The following ALDH1A2 variants were observed in gnomAD, a reference collection of about 807,000 sequenced individuals.
ALDH1A2 encodes the protein aldehyde dehydrogenase 1 family member A2, also known as retinal dehydrogenase 2.
ALDH1A2 carries 27 observed loss-of-function variants against 60.3 expected under a neutral mutation model. The observed-to-expected ratio is 0.45, with a 90% CI of 0.33 to 0.62. The LOEUF (loss-of-function observed/expected upper bound fraction) is 0.62, where lower values mean the gene tolerates loss of function less well. ALDH1A2 is among the 20% of genes least tolerant of loss of function. The pLI is 0.02. For synonymous variants in ALDH1A2, 289 were observed against 232.4 expected, an observed-to-expected ratio of 1.24 and a Z score of -2.21; for missense variants, 581 against 643.8, an observed-to-expected ratio of 0.90 and a Z score of 1.06.
At chr15:57,985,384 G>C (rs1482828471) in intron 7 of ALDH1A2, among the ~76,000 whole-genome samples, 13 of 152,116 alleles carry the variant, frequency 8.5e-5, no homozygotes, top group Admixed American at 7.9e-4. Context: ...CCCTTCTTGA[G>C]ATGCTGATGT....
intron 1 of ALDH1A2, among the ~76,000 whole-genome samples, chr15:58,015,771 T>C (rs1171068886): frequency 6.6e-6 from 1 of 152,190 alleles, no homozygotes; most frequent in Non-Finnish European, 1.5e-5. Flanking sequence ...GACTCAACAA[T>C]GTGTTCTTTC....
At chr15:58,045,285 C>T (rs1399646280) in intron 1 of ALDH1A2, among the ~76,000 whole-genome samples, 1 of 152,054 alleles carries the variant, frequency 6.6e-6, no homozygotes, top group African/African-American at 2.4e-5. Flanking sequence ...AGCACTTTTA[C>T]ACTGTTGGTT....
chr15:57,963,391 G>C (rs1192442760), intron 9 of ALDH1A2, among the ~76,000 whole-genome samples: 2 of 148,960 alleles, frequency 1.3e-5, no homozygotes, highest in Non-Finnish European at 3.0e-5. Flanking sequence ...TTTCGCCCAG[G>C]CTGGTGGAGT....
chr15:57,992,645 T>G (rs1894933648), intron 7 of ALDH1A2, 60 bp downstream of exon 7: 1 of 1,494,434 alleles, frequency 6.7e-7, no homozygotes, highest in African/African-American at 1.4e-5. Flanking sequence ...TTATTGTTTT[T>G]GTAACCCCTC....
chr15:57,962,676 T>C (rs1288330156), intron 9 of ALDH1A2, among the ~76,000 whole-genome samples: 1 of 151,932 alleles, frequency 6.6e-6, no homozygotes, highest in Non-Finnish European at 1.5e-5. Context: ...ATATTAACAG[T>C]AAAGAGTGAA....
At chr15:58,022,752 T>A (rs1895966068) in intron 1 of ALDH1A2, among the ~76,000 whole-genome samples, 1 of 152,190 alleles carries the variant, frequency 6.6e-6, no homozygotes, top group African/African-American at 2.4e-5. Flanking sequence ...TCACTGATGT[T>A]GTTTACTGCC....
chr15:58,037,883 G>T (rs1474878032), intron 1 of ALDH1A2, among the ~76,000 whole-genome samples: 1 of 151,554 alleles, frequency 6.6e-6, no homozygotes, highest in Admixed American at 6.6e-5. Context: ...GATATCAGTT[G>T]AACTCAAAAA....
At chr15:57,964,201 G>T in intron 8 of ALDH1A2, 132 bp from the exon 9 acceptor site, 2 of 900,250 alleles carry the variant, frequency 2.2e-6, no homozygotes, top group Non-Finnish European at 3.4e-6. Context: ...AATAGCCCTG[G>T]ATTGGGAATG....
intron 7 of ALDH1A2, among the ~76,000 whole-genome samples, chr15:57,988,602 T>C (rs1894791306): frequency 6.6e-6 from 1 of 152,230 alleles, no homozygotes; most frequent in Non-Finnish European, 1.5e-5. Flanking sequence ...CAAAGAGGCA[T>C]GAGAAATCTT....
intron 7 of ALDH1A2, among the ~76,000 whole-genome samples, chr15:57,981,195 A>G (rs1167601118): frequency 2.0e-5 from 3 of 151,930 alleles, no homozygotes; most frequent in African/African-American, 7.3e-5. Flanking sequence ...TTCTAAATCT[A>G]GTACACTATT....
chr15:57,993,061 G>T lies in ALDH1A2; in HGVS notation c.568C>A (p.Leu190Met). 6.2e-7 allele frequency: 1 copy of T among 1,612,540 alleles called. No homozygotes were observed. The highest frequency in any genetic ancestry group is 8.5e-7 in the Non-Finnish European group (1 of 1,179,894). The change falls in exon 6 of 13, where the codon CTG becomes ATG. Residue 190 changes from leucine to methionine, a missense_variant. Transcript: ENST00000249750. ...GCTATTTTCCAGGCAAACATCAGCAGGGGGAAGTTCCACTGAAAGGAAAAA... is the reference window on the plus strand; with the variant it reads ...GCTATTTTCCAGGCAAACATCAGCATGGGGAAGTTCCACTGAAAGGAAAAA... Reference protein sequence around the residue: ...CGQIIPWNFPLLMFAWKIAPA... With the variant: ...CGQIIPWNFPMLMFAWKIAPA...
intron 4 of ALDH1A2, among the ~76,000 whole-genome samples, chr15:58,006,341 T>TATTTC: frequency 6.6e-6 from 1 of 152,146 alleles, no homozygotes; most frequent in East Asian, 1.9e-4. Context: ...CAAAGACCAT[T>TATTTC]ATTTCATTCT....
chr15:58,041,398 G>A (rs1896515422), intron 1 of ALDH1A2, among the ~76,000 whole-genome samples: 1 of 151,874 alleles, frequency 6.6e-6, no homozygotes, highest in South Asian at 2.1e-4. Flanking sequence ...AAAATCTGTG[G>A]ATCTAAGTCT....
At chr15:57,977,744 T>C (rs1224171668) in intron 7 of ALDH1A2, among the ~76,000 whole-genome samples, 1 of 152,120 alleles carries the variant, frequency 6.6e-6, no homozygotes, top group Non-Finnish European at 1.5e-5. Context: ...TTTCTAATTC[T>C]ATGAAGAAAG....
chr15:57,978,920 C>T (rs530979549), intron 7 of ALDH1A2, among the ~76,000 whole-genome samples: 1 of 152,234 alleles, frequency 6.6e-6, no homozygotes, highest in Admixed American at 6.5e-5. Flanking sequence ...TCTGTAATCC[C>T]AGATACTTGG....
rs1259725033 is a variant in ALDH1A2 at position 57,985,058 on chromosome 15, A to G, written c.798+7647T>C. Among the ~76,000 whole-genome samples the G allele has an allele frequency of 1.3e-5, 2 of 152,170 alleles. 1 individual carries two copies. The highest frequency in any genetic ancestry group is 4.8e-5 in the African/African-American group (2 of 41,436). On this transcript the variant is annotated intron_variant, in intron 7 of 12. Coordinates refer to ENST00000249750, the MANE Select transcript of ALDH1A2 (RefSeq NM_003888.4). The stretch of plus-strand genomic sequence containing the variant: ...CGAGGATTTTTCCATCTATACTCAT[A>G]AGATGTTGGTATATAGTTTTCTTGT...
At chr15:57,983,447 AAAGG>A (rs1325914725) in intron 7 of ALDH1A2, among the ~76,000 whole-genome samples, 1 of 152,226 alleles carries the variant, frequency 6.6e-6, no homozygotes, top group Non-Finnish European at 1.5e-5. Flanking sequence ...TGTTAAGAGA[AAAGG>A]AAGACAGCCT....
chr15:58,064,053 A>C (rs1364086977), intron 1 of ALDH1A2, among the ~76,000 whole-genome samples: 2 of 152,182 alleles, frequency 1.3e-5, no homozygotes, highest in Admixed American at 1.3e-4. Flanking sequence ...ATCAAAAATA[A>C]GACTAAAATC....
At position 58,000,615 on chromosome 15, in the gene ALDH1A2, C is replaced by T. The variant is rs139481053; in HGVS notation, c.494-5476G>A. Among the ~76,000 whole-genome samples, 766 of 151,908 alleles carry T rather than the reference C, an allele frequency of 5.0e-3. 7 individuals are homozygous for T. Among genetic ancestry groups the T allele is most frequent in the African/African-American group, 0.017 (714 of 41,458 alleles). ...ATATTTTCTTCTAATATTCTTCAAA[C>T]CAAGGAATTAAAATTAAAAAAGTTT... is the stretch of plus-strand genomic sequence containing the variant. On this transcript the variant is annotated intron_variant, in intron 4 of 12. Transcript: ENST00000249750.
Sources: allele counts gnomAD v4.1 joint callset (sites outside exome capture counted in the v4.1 genomes callset), GRCh38; gene constraint gnomAD v4.1.1; transcripts MANE v1.5; gene names NCBI Gene and HGNC (gene_info 2026-07-23, HGNC 2026-07-21).